The following NPLOC4 variants were observed in gnomAD, a reference collection of about 807,000 sequenced individuals.
The protein encoded by NPLOC4 is NPL4 homolog, ubiquitin recognition factor.
Under a neutral mutation model 80.6 loss-of-function variants are expected in NPLOC4, and 18 were observed. The ratio of observed to expected loss-of-function variants is 0.22; its 90% confidence interval spans 0.15 to 0.33. The LOEUF (loss-of-function observed/expected upper bound fraction) is 0.33. Among genes scored for constraint, NPLOC4 ranks in the 10% least tolerant of loss-of-function variants. NPLOC4 has a pLI of 1.00. For missense variants in NPLOC4, 540 were observed against 786.1 expected, an observed-to-expected ratio of 0.69 and a Z score of 3.74; for synonymous variants, 313 against 301.5, an observed-to-expected ratio of 1.04 and a Z score of -0.39.
rs748814067 is a variant in NPLOC4, at chr17:81,604,676, G to A, written c.706C>T (p.Arg236Cys). Residue 236 changes from arginine to cysteine, a missense_variant, in exon 8 of 17, where the codon CGC becomes TGC. Physicochemically the swap from Arg to Cys is radical, Grantham distance 180. Around this residue, in one of 6 missense-constraint regions of NPLOC4, gnomAD observed 61 missense variants for 156.7 expected, o/e 0.39. Transcript: ENST00000331134. ...IMFENHTVAD[R>C]FLDFWRKTGN... Reference sequence around the variant, plus strand: ...GTCTTTCTCCAGAAGTCAAGAAAGCGGTCAGCGACGGTGTGATTCTCAAAC... The same window carrying A: ...GTCTTTCTCCAGAAGTCAAGAAAGCAGTCAGCGACGGTGTGATTCTCAAAC... The A allele has an allele frequency of 3.7e-6, 6 of 1,613,718 alleles. No individual in the cohort carries two copies. The highest frequency in any genetic ancestry group is 1.7e-5 in the Admixed American group (1 of 59,964).
intron 2 of NPLOC4, among the ~76,000 whole-genome samples, chr17:81,623,863 A>C (rs891438914): frequency 1.3e-5 from 2 of 152,210 alleles, no homozygotes; most frequent in African/African-American, 2.4e-5. Flanking sequence ...CTAAATCATA[A>C]AACGTCCACT....
intron 12 of NPLOC4, among the ~76,000 whole-genome samples, chr17:81,574,370 C>T (rs1356698934): frequency 6.6e-6 from 1 of 152,174 alleles, no homozygotes; most frequent in Non-Finnish European, 1.5e-5. Context: ...GGTGTTGTAT[C>T]CCCCTTTCCT....
At chr17:81,616,366 C>T (rs545543777) in intron 3 of NPLOC4, among the ~76,000 whole-genome samples, 1 of 149,178 alleles carries the variant, frequency 6.7e-6, no homozygotes, top group South Asian at 2.2e-4. Flanking sequence ...AATCTGGATC[C>T]TTCAGGATTC....
At chr17:81,619,016 AAG>A (rs1193987694) in intron 3 of NPLOC4, among the ~76,000 whole-genome samples, 2 of 151,978 alleles carry the variant, frequency 1.3e-5, no homozygotes, top group African/African-American at 4.8e-5. Context: ...CATGCTGGTT[AAG>A]AGTCATCACC....
In NPLOC4 at chr17:81,601,170, A is replaced by G. The variant is rs550751606; in HGVS notation, c.835-743T>C. Reference sequence around the variant, plus strand: ...AGCTTGCGGGTCATTCAAAGGTATCATTCTATGCAGAAACCCCAGCCATAA... The same window carrying G: ...AGCTTGCGGGTCATTCAAAGGTATCGTTCTATGCAGAAACCCCAGCCATAA... On this transcript the variant is annotated intron_variant, in intron 8 of 16. Transcript: ENST00000331134. 3.3e-5 allele frequency among the ~76,000 whole-genome samples: 5 copies of G among 152,222 alleles called. No individual in the cohort carries two copies. In the South Asian group the frequency reaches 1.0e-3, roughly 31 times the overall value.
intron 16 of NPLOC4, 115 bp from the exon 17 acceptor site, chr17:81,559,531 C>T (rs1189394885): frequency 5.7e-6 from 7 of 1,217,752 alleles, no homozygotes; most frequent in Non-Finnish European, 8.0e-6. Flanking sequence ...CAACATCCCA[C>T]CCAGTGCTGG....
chr17:81,609,164 T>G (rs2035280533), intron 5 of NPLOC4, among the ~76,000 whole-genome samples: 1 of 152,112 alleles, frequency 6.6e-6, no homozygotes, highest in Non-Finnish European at 1.5e-5. Context: ...GGACTACAGG[T>G]GCACGCCACC....
rs184658225 is a variant in NPLOC4, at chr17:81,590,025, T to C, written c.1121-921A>G. Among the ~76,000 whole-genome samples, 108 of 152,032 alleles carry C rather than the reference T, an allele frequency of 7.1e-4. 1 individual carries two copies. Among genetic ancestry groups the C allele is most frequent in the African/African-American group, 2.3e-3 (94 of 41,488 alleles). ...ATAAATTCATCTGGAGGCAGAGAGATGGGGAAGCGGGTGGGAGAAGAGCAA... is the reference window on the plus strand; with the variant it reads ...ATAAATTCATCTGGAGGCAGAGAGACGGGGAAGCGGGTGGGAGAAGAGCAA... On this transcript the variant is annotated intron_variant, in intron 11 of 16. Transcript: ENST00000331134.
At chr17:81,571,663 C>T (rs1471645170) in intron 13 of NPLOC4, among the ~76,000 whole-genome samples, 1 of 152,204 alleles carries the variant, frequency 6.6e-6, no homozygotes, top group Admixed American at 6.5e-5. Context: ...CTTGATGCTC[C>T]GGTGACTGGA....
At chr17:81,617,155 G>C (rs1040334844) in intron 3 of NPLOC4, among the ~76,000 whole-genome samples, 1 of 152,204 alleles carries the variant, frequency 6.6e-6, no homozygotes, top group Admixed American at 6.5e-5. Flanking sequence ...GTCTTCACTG[G>C]AGGCCAGCGG....
intron 1 of NPLOC4, among the ~76,000 whole-genome samples, chr17:81,631,455 TTTTTTTTC>T (rs1413893056): frequency 2.5e-4 from 19 of 74,726 alleles, no homozygotes; most frequent in Non-Finnish European, 4.7e-4. Context: ...TTTTTTTTTT[TTTTTTTTC>T]CCCCACGGCA....
At chr17:81,620,345 A>G (rs960782049) in intron 3 of NPLOC4, among the ~76,000 whole-genome samples, 1 of 152,094 alleles carries the variant, frequency 6.6e-6, no homozygotes, top group African/African-American at 2.4e-5. Flanking sequence ...AAAATAAAAA[A>G]ATTAGCCAGG....
Position 81,606,824 on chromosome 17 carries a change from A to G in NPLOC4, c.531-10T>C. The G allele has an allele frequency of 6.3e-7, 1 of 1,577,638 alleles. No homozygotes were observed. Among genetic ancestry groups the G allele is most frequent in the Non-Finnish European group, 8.6e-7 (1 of 1,158,690 alleles). On this transcript the variant is annotated splice_polypyrimidine_tract_variant and intron_variant, in intron 6 of 16. Transcript: ENST00000331134. ...GGCAACAAACTTCCCCCTACATAGAAGAGAAGCAACTTAAACATCACATTG... is the reference window on the plus strand; with the variant it reads ...GGCAACAAACTTCCCCCTACATAGAGGAGAAGCAACTTAAACATCACATTG...
chr17:81,566,192 C>T (rs1256910169), intron 15 of NPLOC4, among the ~76,000 whole-genome samples: 4 of 152,084 alleles, frequency 2.6e-5, no homozygotes, highest in Admixed American at 1.3e-4. Flanking sequence ...ATTAGACAGG[C>T]GTGGTTGCGG....
chr17:81,585,562 T>C (rs2034556859), intron 12 of NPLOC4, among the ~76,000 whole-genome samples: 1 of 150,580 alleles, frequency 6.6e-6, no homozygotes, highest in South Asian at 2.1e-4. Flanking sequence ...CTCGGGAGGC[T>C]GAGGCAGGAG....
chr17:81,609,833 A>G (rs1321554938), intron 5 of NPLOC4, among the ~76,000 whole-genome samples: 1 of 152,244 alleles, frequency 6.6e-6, no homozygotes, highest in Non-Finnish European at 1.5e-5. Context: ...CAGTCTCACC[A>G]GGACAAACCA....
chr17:81,622,828 G>T (rs2035702697), intron 2 of NPLOC4, among the ~76,000 whole-genome samples: 1 of 152,088 alleles, frequency 6.6e-6, no homozygotes, highest in Non-Finnish European at 1.5e-5. Flanking sequence ...TGGGATTACA[G>T]GCGTGAGCCA....
chr17:81,606,831 C>T lies in NPLOC4; in HGVS notation c.531-17G>A. The T allele has an allele frequency of 1.3e-6, 2 of 1,528,990 alleles. No homozygotes were observed. Among genetic ancestry groups the T allele is most frequent in the Non-Finnish European group, 1.8e-6 (2 of 1,123,636 alleles). The allele number at this position is 1,528,990 out of a possible 1,614,324, so 94.7% of individuals were successfully genotyped here. A position where few individuals can be genotyped will look rare whatever the true frequency, so the allele number is the denominator to read the frequency against. On this transcript the variant is annotated splice_polypyrimidine_tract_variant and intron_variant, in intron 6 of 16. Coordinates refer to ENST00000331134, the MANE Select transcript of NPLOC4 (RefSeq NM_017921.4). Reference sequence around the variant, plus strand: ...AACTTCCCCCTACATAGAAGAGAAGCAACTTAAACATCACATTGGTGAAAA... The same window carrying T: ...AACTTCCCCCTACATAGAAGAGAAGTAACTTAAACATCACATTGGTGAAAA...
intron 12 of NPLOC4, among the ~76,000 whole-genome samples, chr17:81,575,934 A>G (rs1040719162): frequency 6.6e-6 from 1 of 152,252 alleles, no homozygotes; most frequent in African/African-American, 2.4e-5. Context: ...AGCAAACACA[A>G]TCTCCTATGA....
Sources: allele counts gnomAD v4.1 joint callset (sites outside exome capture counted in the v4.1 genomes callset), GRCh38; gene constraint gnomAD v4.1.1; regional missense constraint gnomAD v4.1.1; transcripts MANE v1.5; gene names NCBI Gene and HGNC (gene_info 2026-07-23, HGNC 2026-07-21).